FLYWCH1: variants seen among roughly 807,000 people sequenced by gnomAD.
The protein encoded by FLYWCH1 is FLYWCH-type zinc finger-containing protein 1.
FLYWCH1 carries 75 observed loss-of-function variants against 66.4 expected under a neutral mutation model. The observed-to-expected ratio is 1.13, with a 90% CI of 0.94 to 1.37. The LOEUF (loss-of-function observed/expected upper bound fraction) is 1.37. Ranked by LOEUF, FLYWCH1 falls within the 40% of genes most tolerant of loss-of-function variation. FLYWCH1 has a pLI of 0.00. For synonymous variants in FLYWCH1, 595 were observed against 429.9 expected (o/e 1.38, Z -4.75); for missense variants, 1,334 against 1,001.8 (o/e 1.33, Z -4.48).
intron 2 of FLYWCH1, among the ~76,000 whole-genome samples, chr16:2,916,847 C>A (rs192648660): frequency 1.3e-5 from 2 of 151,298 alleles, no homozygotes; most frequent in Non-Finnish European, 3.0e-5. Flanking sequence ...CTAATACTTT[C>A]AAAAACGAGG....
intron 9 of FLYWCH1, among the ~76,000 whole-genome samples, chr16:2,947,814 CAT>C (rs1179647137): frequency 3.3e-5 from 5 of 150,280 alleles, no homozygotes; most frequent in Admixed American, 1.3e-4. Context: ...AACCTGATCA[CAT>C]GAGTTCAGGA....
rs770123760 is a variant in FLYWCH1, at chr16:2,933,567, A to G, written c.1234A>G (p.Met412Val). The change falls in exon 5 of 10, where the codon ATG (methionine) becomes GTG (valine). Residue 412 changes from methionine to valine, a missense_variant. Physicochemically the swap from Met to Val is conservative, Grantham distance 21 (BLOSUM62 1). Transcript: ENST00000253928. ...QPEAPDEHQD[M>V]DADPGGPEFL... ...CGAGGCCCCAGACGAGCACCAGGAC[A>G]TGGACGCAGACCCGGGTGAGCTGCC... The G allele has an allele frequency of 1.3e-6, 2 of 1,596,220 alleles. No individual in the cohort carries two copies. The highest frequency in any genetic ancestry group is 1.7e-6 in the Non-Finnish European group (2 of 1,170,546).
chr16:2,922,716 A>G, intron 2 of FLYWCH1: 1 of 498,570 alleles, frequency 2.0e-6, no homozygotes, highest in South Asian at 1.5e-5. Flanking sequence ...AGCCAGTGGA[A>G]CATGTGCCTT....
chr16:2,936,573 C>T (rs774354292), intron 6 of FLYWCH1: 20 of 456,608 alleles, frequency 4.4e-5, no homozygotes, highest in African/African-American at 1.0e-4. Context: ...TGAGCCTGCA[C>T]GGAGGAAAGG....
chr16:2,926,215 G>A (rs2070561416), intron 2 of FLYWCH1, among the ~76,000 whole-genome samples: 1 of 152,180 alleles, frequency 6.6e-6, no homozygotes, highest in South Asian at 2.1e-4. Context: ...GAACAATTCT[G>A]CCCATGGTTT....
chr16:2,939,139 T>C (rs1349513358), intron 8 of FLYWCH1, among the ~76,000 whole-genome samples: 2 of 152,198 alleles, frequency 1.3e-5, no homozygotes, highest in East Asian at 1.9e-4. Flanking sequence ...GGCCATGTCC[T>C]GTATAACAGT....
rs1259324588 is a variant in FLYWCH1 at position 2,933,311 on chromosome 16, G to A, written c.978G>A (p.Met326Ile). ...CCCAGGGACAGCGGGTGACTGTGAT[G>A]CGTGGGCACTGCCACCAGCCCGATA... is the stretch of plus-strand genomic sequence containing the variant. Reference protein sequence around the residue: ...AITQGQRVTVMRGHCHQPDME... With the variant: ...AITQGQRVTVIRGHCHQPDME... Residue 326 changes from methionine (M) to isoleucine (I), a missense_variant, in exon 5 of 10, where the codon ATG (methionine) becomes ATA (isoleucine). Met to Ile is a conservative substitution (Grantham distance 10). Transcript: ENST00000253928. 24 of 1,611,092 alleles carry A rather than the reference G, an allele frequency of 1.5e-5. No homozygotes were observed. The highest frequency in any genetic ancestry group is 2.7e-5 in the African/African-American group (2 of 74,972).
Position 2,930,834 on chromosome 16 carries a change from GTCACT to G in FLYWCH1, c.751_755del (p.Ser251AlafsTer119). 1 of 1,603,000 alleles carries G rather than the reference GTCACT, an allele frequency of 6.2e-7. No homozygotes were observed. Among genetic ancestry groups the G allele is most frequent in the Admixed American group, 1.7e-5 (1 of 59,380 alleles). ...AGGAGGAGGAGGCACCCCGAGCCCT[GTCACT>G]GCTGAGCCTGCCGCCCAAGAAGCGC... is the stretch of plus-strand genomic sequence containing the variant. On this transcript the variant is annotated frameshift_variant, in exon 4 of 10. Transcript: ENST00000253928. LOFTEE classifies it high-confidence loss of function.
Position 2,938,460 on chromosome 16 carries a change from C to CAGGCAGGCTGTGGGGCAG in FLYWCH1, c.2050+12_2050+29dup, listed in dbSNP as rs2071114691. 3.3e-6 allele frequency: 5 copies of CAGGCAGGCTGTGGGGCAG among 1,519,354 alleles called. No individual in the cohort carries two copies. Among genetic ancestry groups the CAGGCAGGCTGTGGGGCAG allele is most frequent in the East Asian group, 4.6e-5 (2 of 43,698 alleles). 94.1% of individuals were successfully genotyped at this position (1,519,354 alleles called of 1,614,324 possible). ...ACGGCCCAGCAGGAGGACCCAGGTA[C>CAGGCAGGCTGTGGGGCAG]AGGCAGGCTGTGGGGCAGAGGCAGG... On this transcript the variant is annotated splice_donor_region_variant and intron_variant, in intron 8 of 9. Transcript: ENST00000253928.
intron 2 of FLYWCH1, among the ~76,000 whole-genome samples, chr16:2,924,387 A>G (rs1160830151): frequency 6.6e-6 from 1 of 152,052 alleles, no homozygotes; most frequent in Non-Finnish European, 1.5e-5. Flanking sequence ...CTTGCCAAGC[A>G]TATCAGCTAT....
chr16:2,939,538 C>CAGCCTGGCCAACATGGTGAGACCT (rs1567348541), intron 8 of FLYWCH1, among the ~76,000 whole-genome samples: 1 of 108,620 alleles, frequency 9.2e-6, no homozygotes, highest in Non-Finnish European at 2.3e-5. Flanking sequence ...TGGTGAAACC[C>CAGCCTGGCCAACATGGTGAGACCT]TGTCTCTAAA....
chr16:2,947,574 A>T (rs1376451514), intron 9 of FLYWCH1, among the ~76,000 whole-genome samples: 1 of 152,130 alleles, frequency 6.6e-6, no homozygotes, highest in Non-Finnish European at 1.5e-5. Context: ...CAGCCTGGCC[A>T]ACATGGTGAA....
chr16:2,937,506 A>T, intron 7 of FLYWCH1, 122 bp downstream of exon 7: 2 of 1,199,856 alleles, frequency 1.7e-6, no homozygotes, highest in Non-Finnish European at 2.2e-6. Flanking sequence ...AGCCGGGGCC[A>T]TAAACTCCCC....
intron 2 of FLYWCH1, among the ~76,000 whole-genome samples, chr16:2,920,078 T>G (rs1454168932): frequency 6.6e-6 from 1 of 151,834 alleles, no homozygotes; most frequent in African/African-American, 2.4e-5. Flanking sequence ...TGCATTTGAG[T>G]GGCAGGATTA....
At chr16:2,934,752 G>A (rs1407351429) in intron 6 of FLYWCH1, 1 of 438,848 alleles carries the variant, frequency 2.3e-6, no homozygotes, top group African/African-American at 2.0e-5. Context: ...CAGAGAGACA[G>A]TGCTGCGAGG....
intron 6 of FLYWCH1, 130 bp from the exon 7 acceptor site, chr16:2,936,991 T>C: frequency 1.1e-6 from 1 of 902,996 alleles, no homozygotes; most frequent in Non-Finnish European, 1.5e-6. Flanking sequence ...GGCATCTGTG[T>C]CCTGGGCTCC....
In FLYWCH1 at chr16:2,930,377, A is replaced by G. The variant is rs1215968672; in HGVS notation, c.326-33A>G. The G allele has an allele frequency of 1.9e-5, 26 of 1,337,440 alleles. No homozygotes were observed. The South Asian group carries it at 3.9e-4, about 20-fold the overall frequency. 82.8% of individuals were successfully genotyped at this position (1,337,440 alleles called of 1,614,324 possible). A position where few individuals can be genotyped will look rare whatever the true frequency, so the allele number is the denominator to read the frequency against. ...TGCCTGCGACCCTGAGCTTTGCTCT[A>G]GCTTAGCTAACCTAGCCTTCCCGTT... On this transcript the variant is annotated intron_variant, in intron 3 of 9. Transcript: ENST00000253928.
intron 2 of FLYWCH1, among the ~76,000 whole-genome samples, chr16:2,920,195 C>T (rs1596356497): frequency 6.6e-6 from 1 of 151,850 alleles, no homozygotes; most frequent in Admixed American, 6.6e-5. Flanking sequence ...TGCATGCCAC[C>T]CCTTCTTTGA....
Position 2,950,302 on chromosome 16 carries a change from A to T in FLYWCH1, c.*1575A>T, listed in dbSNP as rs1032838531. The T allele has an allele frequency of 1.3e-5, 2 of 152,564 alleles. No individual in the cohort carries two copies. Among genetic ancestry groups the T allele is most frequent in the African/African-American group, 4.8e-5 (2 of 41,410 alleles). 9.5% of individuals were successfully genotyped at this position (152,564 alleles called of 1,614,324 possible). ...GGCTGACCTAACTGCCCCCAGCTGGACTCATGGCCAAGGCTACAGACCCAG... is the reference window on the plus strand; with the variant it reads ...GGCTGACCTAACTGCCCCCAGCTGGTCTCATGGCCAAGGCTACAGACCCAG... On this transcript the variant is annotated 3_prime_UTR_variant, in exon 10 of 10. Transcript: ENST00000253928.
Sources: gnomAD v4.1 joint callset for allele counts (sites outside exome capture counted in the v4.1 genomes callset) on GRCh38, gnomAD v4.1.1 for gene constraint, MANE v1.5 for transcripts, NCBI Gene and HGNC (gene_info 2026-07-23, HGNC 2026-07-21) for gene names.